Variants in XKR6 observed in about 807,000 individuals in gnomAD.
The protein encoded by XKR6 is XK-related protein 6.
A neutral mutation model predicts 56.7 loss-of-function variants in XKR6; 22 were observed. That is an observed-to-expected ratio of 0.39 (90% CI 0.28 to 0.55). The LOEUF is 0.55. Ranked by LOEUF, XKR6 falls within the 20% of genes least tolerant of loss-of-function variation. The pLI is 0.66. For synonymous variants in XKR6, 524 were observed against 387.8 expected, an observed-to-expected ratio of 1.35 and a Z score of -4.13; for missense variants, 852 against 889.0, an observed-to-expected ratio of 0.96 and a Z score of 0.53.
At chr8:10,919,217 T>C (rs1023647658) in intron 2 of XKR6, among the ~76,000 whole-genome samples, 2 of 152,196 alleles carry the variant, frequency 1.3e-5, no homozygotes, top group African/African-American at 4.8e-5. Context: ...TGCAAGCTAC[T>C]CCCATTGCCC....
At chr8:10,951,115 TC>T (rs2129126978) in intron 1 of XKR6, among the ~76,000 whole-genome samples, 1 of 152,236 alleles carries the variant, frequency 6.6e-6, no homozygotes, top group East Asian at 1.9e-4. Flanking sequence ...TCTGGGCCAG[TC>T]CCTTGCAGCA....
At chr8:10,900,857 CTTTTTT>C (rs139738888) in intron 2 of XKR6, among the ~76,000 whole-genome samples, 2 of 114,372 alleles carry the variant, frequency 1.7e-5, no homozygotes, top group African/African-American at 7.0e-5. Context: ...GTGCAATTAC[CTTTTTT>C]TTTTTTTTTG....
intron 1 of XKR6, among the ~76,000 whole-genome samples, chr8:11,149,339 T>C (rs749236610): frequency 2.0e-5 from 3 of 152,202 alleles, no homozygotes; most frequent in Non-Finnish European, 2.9e-5. Flanking sequence ...TGGTAAGTAT[T>C]TGTTTAACTA....
At position 10,989,401 on chromosome 8, in the gene XKR6, G is replaced by T. The variant is rs1025472172; in HGVS notation, c.765-64571C>A. ...CTCATAGTTAACTAAAACTTAACTA[G>T]CCCGAAATCACAAACCATATGAGAC... On this transcript the variant is annotated intron_variant, in intron 1 of 2. Coordinates refer to ENST00000416569, the MANE Select transcript of XKR6 (RefSeq NM_173683.4). 3.9e-5 allele frequency among the ~76,000 whole-genome samples: 6 copies of T among 152,330 alleles called. No homozygotes were observed. The South Asian group carries it at 1.2e-3, about 32-fold the overall frequency.
At chr8:11,198,668 T>C (rs1388637292) in intron 1 of XKR6, among the ~76,000 whole-genome samples, 1 of 152,208 alleles carries the variant, frequency 6.6e-6, no homozygotes, top group African/African-American at 2.4e-5. Flanking sequence ...TCTACTCCAA[T>C]TTCATTCTGT....
At chr8:11,078,140 G>A (rs1238804052) in intron 1 of XKR6, among the ~76,000 whole-genome samples, 1 of 152,248 alleles carries the variant, frequency 6.6e-6, no homozygotes, top group Admixed American at 6.5e-5. Context: ...GTCTCATGGA[G>A]TGTACTGGGA....
intron 1 of XKR6, among the ~76,000 whole-genome samples, chr8:11,119,598 G>T (rs544402593): frequency 2.4e-4 from 36 of 152,232 alleles, no homozygotes; most frequent in Non-Finnish European, 4.3e-4. Flanking sequence ...TTGGTTTAAA[G>T]TCTGTTTTAT....
intron 1 of XKR6, among the ~76,000 whole-genome samples, chr8:11,095,499 C>A (rs1222778678): frequency 1.3e-5 from 2 of 152,174 alleles, no homozygotes; most frequent in African/African-American, 4.8e-5. Context: ...GGCACCAGTG[C>A]AATTTTGCAG....
chr8:11,179,876 T>C (rs765225563), intron 1 of XKR6, among the ~76,000 whole-genome samples: 2 of 152,190 alleles, frequency 1.3e-5, no homozygotes, highest in East Asian at 1.9e-4. Flanking sequence ...CTCATGCCAG[T>C]AATCTCAGCA....
chr8:11,110,886 G>A (rs2129179485), intron 1 of XKR6, among the ~76,000 whole-genome samples: 1 of 152,012 alleles, frequency 6.6e-6, no homozygotes, highest in South Asian at 2.1e-4. Context: ...GCCCAGGCTG[G>A]AGTGCAGTGG....
intron 1 of XKR6, among the ~76,000 whole-genome samples, chr8:10,996,242 G>T (rs1456722300): frequency 6.6e-6 from 1 of 152,110 alleles, no homozygotes; most frequent in African/African-American, 2.4e-5. Context: ...CTACTAAGAG[G>T]TGCTCCTGGG....
chr8:11,066,062 C>T (rs1303559294), intron 1 of XKR6, among the ~76,000 whole-genome samples: 1 of 152,232 alleles, frequency 6.6e-6, no homozygotes. Flanking sequence ...TGGCATCCCC[C>T]AAATGCACCC....
intron 1 of XKR6, among the ~76,000 whole-genome samples, chr8:10,931,242 T>C (rs1421337956): frequency 6.6e-6 from 1 of 152,186 alleles, no homozygotes; most frequent in East Asian, 1.9e-4. Flanking sequence ...AGGATTTGTA[T>C]GCCACAGCTG....
At chr8:11,044,141 C>T (rs572049015) in intron 1 of XKR6, among the ~76,000 whole-genome samples, 7 of 152,276 alleles carry the variant, frequency 4.6e-5, no homozygotes, top group South Asian at 4.2e-4. Flanking sequence ...GACCACTGAC[C>T]GTGGACTGGT....
intron 1 of XKR6, among the ~76,000 whole-genome samples, chr8:11,066,398 G>A (rs1441071430): frequency 6.6e-6 from 1 of 152,206 alleles, no homozygotes. Context: ...TCTTGATTTT[G>A]GACATAAGCC....
intron 1 of XKR6, among the ~76,000 whole-genome samples, chr8:11,002,762 T>G (rs1798273164): frequency 6.6e-6 from 1 of 152,128 alleles, no homozygotes; most frequent in African/African-American, 2.4e-5. Context: ...GCGGGCTCAG[T>G]GCTAAGGATG....
chr8:10,946,735 G>C (rs1276435180), intron 1 of XKR6, among the ~76,000 whole-genome samples: 1 of 152,098 alleles, frequency 6.6e-6, no homozygotes, highest in Non-Finnish European at 1.5e-5. Context: ...GACCCAGCAT[G>C]GTCCCTGCCC....
intron 1 of XKR6, among the ~76,000 whole-genome samples, chr8:11,060,376 C>A (rs1392762274): frequency 6.6e-6 from 1 of 152,208 alleles, no homozygotes; most frequent in Non-Finnish European, 1.5e-5. Flanking sequence ...GCACTGCAGA[C>A]CTTCCCTAGA....
intron 1 of XKR6, among the ~76,000 whole-genome samples, chr8:11,173,611 G>C (rs1802497837): frequency 6.6e-6 from 1 of 152,118 alleles, no homozygotes; most frequent in African/African-American, 2.4e-5. Context: ...TGAGAGTTCA[G>C]TGAGTGACAC....
Sources: gnomAD v4.1 joint callset for allele counts (sites outside exome capture counted in the v4.1 genomes callset) on GRCh38, gnomAD v4.1.1 for gene constraint, MANE v1.5 for transcripts, NCBI Gene and HGNC (gene_info 2026-07-23, HGNC 2026-07-21) for gene names.